Variants in HHAT observed in about 807,000 individuals in gnomAD.
HHAT encodes protein-cysteine N-palmitoyltransferase HHAT.
In HHAT, 47 loss-of-function variants were observed where a neutral mutation model predicts 70.8. That is an observed-to-expected ratio of 0.66 (90% CI 0.53 to 0.85). The LOEUF (loss-of-function observed/expected upper bound fraction) is 0.85, where lower values mean the gene tolerates loss of function less well. HHAT is among the 40% of genes least tolerant of loss of function. The probability of loss-of-function intolerance (pLI) is 0.00; values close to 1 mark genes in which losing one functional copy is unlikely to be tolerated. For synonymous variants in HHAT, 228 were observed against 247.6 expected (o/e 0.92, Z 0.74); for missense variants, 609 against 604.8 (o/e 1.01, Z -0.07).
intron 10 of HHAT, among the ~76,000 whole-genome samples, chr1:210,598,005 T>G (rs949442966): frequency 2.6e-5 from 4 of 151,770 alleles, no homozygotes; most frequent in Non-Finnish European, 5.9e-5. Context: ...CTACCACTGT[T>G]GATTATTCAG....
At chr1:210,396,912 G>A (rs1357292835) in intron 4 of HHAT, among the ~76,000 whole-genome samples, 2 of 152,138 alleles carry the variant, frequency 1.3e-5, no homozygotes, top group Non-Finnish European at 2.9e-5. Flanking sequence ...GGTAAATGAG[G>A]TATAAAATGG....
chr1:210,617,357 T>TTGC (rs1667955311), intron 10 of HHAT, among the ~76,000 whole-genome samples: 2 of 152,348 alleles, frequency 1.3e-5, no homozygotes, highest in Non-Finnish European at 2.9e-5. Flanking sequence ...TCAAAGCATT[T>TTGC]TGCAGAGTAG....
At chr1:210,608,313 A>T (rs1207727274) in intron 10 of HHAT, among the ~76,000 whole-genome samples, 5 of 152,200 alleles carry the variant, frequency 3.3e-5, no homozygotes, top group Non-Finnish European at 7.3e-5. Context: ...TTAAAATTGT[A>T]TTATTGAATA....
chr1:210,425,679 T>C (rs1428263820), intron 7 of HHAT, among the ~76,000 whole-genome samples: 1 of 152,116 alleles, frequency 6.6e-6, no homozygotes, highest in Non-Finnish European at 1.5e-5. Flanking sequence ...CTGGGTTCTC[T>C]ATTCTGTTTT....
chr1:210,392,922 A>G (rs1054625122), intron 4 of HHAT, among the ~76,000 whole-genome samples: 1 of 152,110 alleles, frequency 6.6e-6, no homozygotes, highest in Non-Finnish European at 1.5e-5. Context: ...CGCACCTGAC[A>G]TTGGCAGAAA....
chr1:210,433,754 G>A (rs1393136476), intron 7 of HHAT, among the ~76,000 whole-genome samples: 2 of 151,910 alleles, frequency 1.3e-5, no homozygotes, highest in East Asian at 1.9e-4. Context: ...TCAGGGTGAT[G>A]TTGATGATGA....
rs142397809 is a variant in HHAT at position 210,389,933 on chromosome 1, G to A, written c.273+2352G>A. ...AGGGGACAAACATTCAAACCACAGC[G>A]GTTGTCCTCTGTAAAATAGGATCAA... On this transcript the variant is annotated intron_variant, in intron 4 of 11. Transcript: ENST00000261458. 3.7e-4 allele frequency among the ~76,000 whole-genome samples: 56 copies of A among 152,196 alleles called. 1 individual carries two copies. The East Asian group carries it at 9.8e-3, about 27-fold the overall frequency.
At chr1:210,545,050 C>T (rs1166120707) in intron 9 of HHAT, among the ~76,000 whole-genome samples, 1 of 151,980 alleles carries the variant, frequency 6.6e-6, no homozygotes, top group Non-Finnish European at 1.5e-5. Flanking sequence ...TTCCTCCTAC[C>T]CGTTCTCCAT....
rs375839407 is a variant in HHAT at position 210,400,573 on chromosome 1, G to A, written c.379G>A (p.Val127Met). 85 of 1,613,944 alleles carry A rather than the reference G, an allele frequency of 5.3e-5. No homozygotes were observed. The highest frequency in any genetic ancestry group is 6.8e-5 in the Non-Finnish European group (80 of 1,180,014). The stretch of plus-strand genomic sequence containing the variant: ...GCTCCATACCACCATCTCTTTCTGC[G>A]TGGCCCAGTTCCGGTCTCAGCTCCT... ...VLLHTTISFC[V>M]AQFRSQLLTW... The change falls in exon 5 of 12, where the codon GTG (valine) becomes ATG (methionine). Residue 127 changes from valine (V) to methionine (M), a missense_variant. Physicochemically the swap from Val to Met is conservative, Grantham distance 21. Coordinates refer to ENST00000261458, the MANE Select transcript of HHAT (RefSeq NM_018194.6).
intron 6 of HHAT, among the ~76,000 whole-genome samples, chr1:210,415,353 T>C (rs2092689191): frequency 1.3e-5 from 2 of 152,198 alleles, no homozygotes; most frequent in African/African-American, 4.8e-5. Flanking sequence ...AGAGCATGCA[T>C]GCTTGAGGTA....
intron 9 of HHAT, among the ~76,000 whole-genome samples, chr1:210,554,065 G>A (rs2095551396): frequency 6.6e-6 from 1 of 152,170 alleles, no homozygotes. Flanking sequence ...AGTGGAACCG[G>A]GGCTGCTAGG....
At chr1:210,596,419 C>A (rs1411727563) in intron 10 of HHAT, among the ~76,000 whole-genome samples, 3 of 152,174 alleles carry the variant, frequency 2.0e-5, no homozygotes, top group Non-Finnish European at 4.4e-5. Context: ...CTACCCCTGT[C>A]TTTTCCTTTC....
At chr1:210,564,437 A>C (rs1389937929) in intron 9 of HHAT, among the ~76,000 whole-genome samples, 2 of 152,216 alleles carry the variant, frequency 1.3e-5, no homozygotes, top group African/African-American at 2.4e-5. Context: ...CATTGGAGCC[A>C]CAGAAGCAAA....
At chr1:210,408,375 G>T (rs1356041564) in intron 6 of HHAT, among the ~76,000 whole-genome samples, 1 of 152,086 alleles carries the variant, frequency 6.6e-6, no homozygotes, top group Non-Finnish European at 1.5e-5. Context: ...TAGAGATGGG[G>T]TTTTACCATG....
chr1:210,533,657 G>T (rs1249007364), intron 9 of HHAT, among the ~76,000 whole-genome samples: 3 of 152,172 alleles, frequency 2.0e-5, no homozygotes, highest in African/African-American at 4.8e-5. Context: ...TGCACCCACA[G>T]GTGTATTTTC....
intron 7 of HHAT, among the ~76,000 whole-genome samples, chr1:210,461,490 T>TG (rs1411768013): frequency 6.6e-6 from 1 of 152,062 alleles, no homozygotes; most frequent in Admixed American, 6.5e-5. Flanking sequence ...TTAGTAGAGT[T>TG]GGGGCTTCAC....
chr1:210,487,125 G>A (rs1215734357), intron 8 of HHAT, among the ~76,000 whole-genome samples: 1 of 152,206 alleles, frequency 6.6e-6, no homozygotes, highest in Non-Finnish European at 1.5e-5. Context: ...AGGAATGAGT[G>A]TTGCCAGGCC....
chr1:210,457,307 AT>A (rs2093889759), intron 7 of HHAT, among the ~76,000 whole-genome samples: 1 of 152,170 alleles, frequency 6.6e-6, no homozygotes, highest in Admixed American at 6.5e-5. Flanking sequence ...AGAGGTTCTT[AT>A]AAATAACCTC....
intron 10 of HHAT, among the ~76,000 whole-genome samples, chr1:210,599,206 A>C (rs916250444): frequency 7.2e-5 from 11 of 152,292 alleles, no homozygotes; most frequent in African/African-American, 2.6e-4. Context: ...AAATATATTT[A>C]ATTTTAACTA....
Sources: gnomAD v4.1 joint callset for allele counts (sites outside exome capture counted in the v4.1 genomes callset) on GRCh38, gnomAD v4.1.1 for gene constraint, MANE v1.5 for transcripts, NCBI Gene and HGNC (gene_info 2026-07-23, HGNC 2026-07-21) for gene names.